Variants in EAF2 observed in about 807,000 individuals in gnomAD.
EAF2 encodes ELL-associated factor 2.
Under a neutral mutation model 29.4 loss-of-function variants are expected in EAF2, and 29 were observed. That is an observed-to-expected ratio of 0.99 (90% CI 0.73 to 1.35). EAF2 has a LOEUF of 1.35. Among genes scored for constraint, EAF2 ranks in the 40% most tolerant of loss-of-function variants. The probability of loss-of-function intolerance (pLI) is 0.00; values close to 1 mark genes in which losing one functional copy is unlikely to be tolerated. For missense variants in EAF2, 292 were observed against 312.0 expected (o/e 0.94, Z 0.48); for synonymous variants, 103 against 102.5 (o/e 1.00, Z -0.03).
intron 1 of EAF2, among the ~76,000 whole-genome samples, chr3:121,838,864 C>A (rs1013099881): frequency 1.1e-4 from 16 of 152,110 alleles, no homozygotes; most frequent in Non-Finnish European, 1.6e-4. Context: ...CACATACATA[C>A]AAGTTAAGAT....
chr3:121,843,461 G>A (rs997260134), intron 1 of EAF2, among the ~76,000 whole-genome samples: 11 of 152,098 alleles, frequency 7.2e-5, no homozygotes, highest in Non-Finnish European at 1.3e-4. Context: ...GGGCTCCGTG[G>A]AGCTGGTAAT....
chr3:121,839,093 A>G (rs1559815313), intron 1 of EAF2, among the ~76,000 whole-genome samples: 1 of 152,262 alleles, frequency 6.6e-6, no homozygotes, highest in East Asian at 1.9e-4. Flanking sequence ...CAGAGGTTAT[A>G]GATTAATAGC....
At chr3:121,849,564 G>A (rs1191703700) in intron 2 of EAF2, among the ~76,000 whole-genome samples, 1 of 152,094 alleles carries the variant, frequency 6.6e-6, no homozygotes, top group African/African-American at 2.4e-5. Context: ...ATAGCCCACT[G>A]CAAACTTCTA....
chr3:121,849,666 AG>A (rs1708591728), intron 2 of EAF2, among the ~76,000 whole-genome samples: 1 of 151,990 alleles, frequency 6.6e-6, no homozygotes, highest in African/African-American at 2.4e-5. Context: ...TATATGTATG[AG>A]GGGTACTCCA....
At chr3:121,878,294 A>G (rs968083177) in intron 5 of EAF2, among the ~76,000 whole-genome samples, 1 of 152,170 alleles carries the variant, frequency 6.6e-6, no homozygotes, top group South Asian at 2.1e-4. Flanking sequence ...TACAATATAC[A>G]TATTTATGAC....
intron 1 of EAF2, 134 bp from the exon 2 acceptor site, chr3:121,844,319 G>C: frequency 1.8e-6 from 1 of 554,672 alleles, no homozygotes; most frequent in South Asian, 2.2e-5. Flanking sequence ...TTGTTCATTT[G>C]TAATATGAAT....
intron 2 of EAF2, among the ~76,000 whole-genome samples, chr3:121,850,619 A>G (rs1233034689): frequency 6.6e-6 from 1 of 152,154 alleles, no homozygotes; most frequent in African/African-American, 2.4e-5. Context: ...ATATTGTGTT[A>G]CATTATAGAA....
chr3:121,841,817 G>C (rs958542907), intron 1 of EAF2, among the ~76,000 whole-genome samples: 1 of 151,928 alleles, frequency 6.6e-6, no homozygotes, highest in Non-Finnish European at 1.5e-5. Context: ...AGACCAGCCT[G>C]ACCAACATGG....
intron 4 of EAF2, among the ~76,000 whole-genome samples, chr3:121,864,773 T>A (rs1708895108): frequency 6.6e-6 from 1 of 152,054 alleles, no homozygotes; most frequent in Admixed American, 6.6e-5. Context: ...GTCATGATTG[T>A]GCCACTGCAT....
At chr3:121,878,166 A>G (rs534548863) in intron 5 of EAF2, among the ~76,000 whole-genome samples, 2 of 152,176 alleles carry the variant, frequency 1.3e-5, no homozygotes, top group African/African-American at 2.4e-5. Flanking sequence ...AAATAGACCA[A>G]TAGAATAGGC....
intron 4 of EAF2, among the ~76,000 whole-genome samples, chr3:121,868,224 A>G (rs981548778): frequency 1.3e-5 from 2 of 152,236 alleles, no homozygotes; most frequent in Non-Finnish European, 2.9e-5. Context: ...AAAGTAAAAG[A>G]ATAGAAAATA....
Position 121,880,458 on chromosome 3 carries a change from GT to G in EAF2, c.737-5883del, listed in dbSNP as rs1559831379. Among the ~76,000 whole-genome samples, 200 of 18,512 alleles carry G rather than the reference GT, an allele frequency of 0.011. No homozygotes were observed. The East Asian group carries it at 0.13, about 12-fold the overall frequency. 12.1% of individuals were successfully genotyped at this position (18,512 alleles called of 152,430 possible). A position where few individuals can be genotyped will look rare whatever the true frequency, so the allele number is the denominator to read the frequency against. On this transcript the variant is annotated intron_variant, in intron 5 of 5. Transcript: ENST00000273668. ...GTCCTGGACCTTAGTGTTTTGGGGT[GT>G]GTGTGTGTGTGTGTGTGTGTGTGTG...
At chr3:121,867,378 G>A (rs1177690227) in intron 4 of EAF2, among the ~76,000 whole-genome samples, 1 of 152,104 alleles carries the variant, frequency 6.6e-6, no homozygotes, top group African/African-American at 2.4e-5. Context: ...TAAAGGCAAA[G>A]AGAAAAGGGT....
chr3:121,880,564 G>A (rs540770687), intron 5 of EAF2, among the ~76,000 whole-genome samples: 3 of 151,786 alleles, frequency 2.0e-5, no homozygotes, highest in East Asian at 3.9e-4. Context: ...AATAATTTTT[G>A]TATGTTGATT....
intron 5 of EAF2, among the ~76,000 whole-genome samples, chr3:121,877,012 T>C (rs868402298): frequency 8.6e-5 from 12 of 139,564 alleles, no homozygotes; most frequent in Non-Finnish European, 1.6e-4. Context: ...AATAAAGAGA[T>C]AGAAAAAAAG....
In EAF2 at chr3:121,857,508, A is replaced by C. The variant is rs186731090; in HGVS notation, c.484+352A>C. Among the ~76,000 whole-genome samples, 404 of 152,098 alleles carry C rather than the reference A, an allele frequency of 2.7e-3. 1 individual carries two copies. The highest frequency in any genetic ancestry group is 9.3e-3 in the African/African-American group (387 of 41,498). ...CCATCTCAAAAAAAAAAAAAAGAAA[A>C]AAAAATGCTAAATGAATTTTTTCAT... On this transcript the variant is annotated intron_variant, in intron 4 of 5. Coordinates refer to ENST00000273668, the MANE Select transcript of EAF2 (RefSeq NM_018456.6).
At chr3:121,879,618 T>TTG (rs1440252769) in intron 5 of EAF2, among the ~76,000 whole-genome samples, 8 of 34,370 alleles carry the variant, frequency 2.3e-4, no homozygotes, top group Non-Finnish European at 6.8e-4. Context: ...CTTTCTTTCT[T>TTG]TCTTTTTTTT....
chr3:121,861,810 G>A (rs1457850334), intron 4 of EAF2, among the ~76,000 whole-genome samples: 6 of 152,054 alleles, frequency 3.9e-5, no homozygotes, highest in Admixed American at 1.3e-4. Flanking sequence ...GGCTGGTACC[G>A]GCTGTTCCTT....
chr3:121,880,724 CTT>C (rs765579482), intron 5 of EAF2, among the ~76,000 whole-genome samples: 7 of 152,010 alleles, frequency 4.6e-5, no homozygotes, highest in Non-Finnish European at 1.0e-4. Context: ...ATTTTTCTCT[CTT>C]GTTTCTTTGC....
Sources: gnomAD v4.1 joint callset for allele counts (sites outside exome capture counted in the v4.1 genomes callset) on GRCh38, gnomAD v4.1.1 for gene constraint, MANE v1.5 for transcripts, NCBI Gene and HGNC (gene_info 2026-07-23, HGNC 2026-07-21) for gene names.